Variants in USP31 observed in about 807,000 individuals in gnomAD.
USP31 encodes the protein ubiquitin specific peptidase 31.
Under a neutral mutation model 119.4 loss-of-function variants are expected in USP31, and 44 were observed. That is an observed-to-expected ratio of 0.37 (90% CI 0.29 to 0.47). The LOEUF is 0.47. USP31 is among the 20% of genes least tolerant of loss of function. The probability of loss-of-function intolerance (pLI) is 0.99; values close to 1 mark genes in which losing one functional copy is unlikely to be tolerated. For missense variants in USP31, 1,643 were observed against 1,730.2 expected, an observed-to-expected ratio of 0.95 and a Z score of 0.89; for synonymous variants, 749 against 705.6, an observed-to-expected ratio of 1.06 and a Z score of -0.97.
At chr16:23,147,930 CTAAAAATAAAA>C (rs1903571494) in intron 1 of USP31, among the ~76,000 whole-genome samples, 1 of 152,094 alleles carries the variant, frequency 6.6e-6, no homozygotes, top group Admixed American at 6.5e-5. Flanking sequence ...GACCCTGTCT[CTAAAAATAAAA>C]TAAAAATAAA....
At chr16:23,096,263 G>A (rs1168029695) in intron 6 of USP31, among the ~76,000 whole-genome samples, 1 of 152,158 alleles carries the variant, frequency 6.6e-6, no homozygotes, top group Non-Finnish European at 1.5e-5. Flanking sequence ...TTACATAATG[G>A]TATAGGGATC....
chr16:23,066,350 T>C lies in USP31; in HGVS notation c.*1696A>G, dbSNP rs537532327. On this transcript the variant is annotated 3_prime_UTR_variant, in exon 16 of 16. Transcript: ENST00000219689. ...GCAAGTTACCGGCTAATGCGCAAAT[T>C]AGCAGCAAAATAAAGTTAAGTAACG... The C allele has an allele frequency of 2.6e-5, 4 of 152,542 alleles. No individual in the cohort carries two copies. The highest frequency in any genetic ancestry group is 4.2e-4 in the South Asian group (2 of 4,816). 9.4% of individuals were successfully genotyped at this position (152,542 alleles called of 1,614,324 possible).
intron 14 of USP31, among the ~76,000 whole-genome samples, chr16:23,073,502 A>T (rs1900429141): frequency 6.6e-6 from 1 of 152,046 alleles, no homozygotes; most frequent in South Asian, 2.1e-4. Flanking sequence ...GCCAGGTCCA[A>T]CCCACTGTCC....
intron 6 of USP31, among the ~76,000 whole-genome samples, chr16:23,093,351 G>A (rs1050860435): frequency 1.3e-5 from 2 of 152,028 alleles, no homozygotes; most frequent in African/African-American, 4.8e-5. Context: ...AAAAGATAAT[G>A]CAATTTAAAA....
intron 14 of USP31, among the ~76,000 whole-genome samples, chr16:23,073,341 CATT>C (rs1900423058): frequency 6.6e-6 from 1 of 152,180 alleles, no homozygotes; most frequent in Non-Finnish European, 1.5e-5. Flanking sequence ...ATGAGGTAGG[CATT>C]ATTATTACAC....
At position 23,063,747 on chromosome 16, in the gene USP31, G is replaced by T. The variant is rs1037441587; in HGVS notation, c.*4299C>A. ...CATAATTGTTGCCTTTTTTTTTTAA[G>T]ACTTAACATTTCATGTCTATATGTT... On this transcript the variant is annotated 3_prime_UTR_variant, in exon 16 of 16. Coordinates refer to ENST00000219689, the MANE Select transcript of USP31 (RefSeq NM_020718.4). 6.7e-6 allele frequency: 1 copy of T among 149,916 alleles called. No homozygotes were observed. The highest frequency in any genetic ancestry group is 2.4e-5 in the African/African-American group (1 of 40,898). The allele number at this position is 149,916 out of a possible 1,614,324, so 9.3% of individuals were successfully genotyped here. A position where few individuals can be genotyped will look rare whatever the true frequency, so the allele number is the denominator to read the frequency against.
chr16:23,069,559 C>G lies in USP31; in HGVS notation c.2546G>C (p.Arg849Thr). Residue 849 changes from arginine (R) to threonine (T), a missense_variant, in exon 16 of 16, where the codon AGA becomes ACA. Arg to Thr is a moderately conservative substitution (Grantham distance 71). Around this residue, in one of 5 missense-constraint regions of USP31, gnomAD observed 699 missense variants for 650.9 expected, o/e 1.07. Coordinates refer to ENST00000219689, the MANE Select transcript of USP31 (RefSeq NM_020718.4). ...GGCCAAGGGGCTGGTGACAGAAGATCTGGATGACAAACTCTGACGCTGGAC... is the reference window on the plus strand; with the variant it reads ...GGCCAAGGGGCTGGTGACAGAAGATGTGGATGACAAACTCTGACGCTGGAC... ...RSVQRQSLSSRSSVTSPLAVN... is the reference protein window; with the variant it reads ...RSVQRQSLSSTSSVTSPLAVN... 6.2e-7 allele frequency: 1 copy of G among 1,613,948 alleles called. No individual in the cohort carries two copies. Among genetic ancestry groups the G allele is most frequent in the Middle Eastern group, 1.6e-4 (1 of 6,062 alleles).
chr16:23,149,245 G>T lies in USP31; in HGVS notation c.26C>A (p.Ser9Tyr). 1 of 1,116,558 alleles carries T rather than the reference G, an allele frequency of 9.0e-7. No individual in the cohort carries two copies. The allele number at this position is 1,116,558 out of a possible 1,614,324, so 69.2% of individuals were successfully genotyped here. Reference protein sequence around the residue: MSKVTAPGSGPPAAASGKE... With the variant: MSKVTAPGYGPPAAASGKE... ...CCCGCTCGCCGCCGCCGGCGGCCCG[G>T]ACCCAGGCGCCGTTACCTTGGACAT... Residue 9 changes from serine to tyrosine, a missense_variant, in exon 1 of 16, where the codon TCC becomes TAC. Ser to Tyr is a moderately radical substitution (Grantham distance 144). Around this residue, in one of 5 missense-constraint regions of USP31, gnomAD observed 302 missense variants for 262.6 expected, o/e 1.15. Coordinates refer to ENST00000219689, the MANE Select transcript of USP31 (RefSeq NM_020718.4).
At position 23,068,341 on chromosome 16, in the gene USP31, C is replaced by T; in HGVS notation, c.3764G>A (p.Gly1255Asp). The stretch of plus-strand genomic sequence containing the variant: ...ACAGACAGACTTAACAGAGCTCCCA[C>T]CAGCCTTTTTAGAGAGCAAGGCTGT... Reference protein sequence around the residue: ...GKTALLSKKAGGSSVKSVCKN... With the variant: ...GKTALLSKKADGSSVKSVCKN... Residue 1255 changes from glycine (G) to aspartate (D), a missense_variant, in exon 16 of 16, where the codon GGT (glycine) becomes GAT (aspartate). Physicochemically the swap from Gly to Asp is moderately conservative, Grantham distance 94 (BLOSUM62 -1). Transcript: ENST00000219689. 1.2e-6 allele frequency: 2 copies of T among 1,614,192 alleles called. No individual in the cohort carries two copies. Among genetic ancestry groups the T allele is most frequent in the Non-Finnish European group, 1.7e-6 (2 of 1,180,018 alleles).
Position 23,094,855 on chromosome 16 carries a change from C to G in USP31, c.1235-4051G>C, listed in dbSNP as rs192040477. Among the ~76,000 whole-genome samples, 537 of 152,296 alleles carry G rather than the reference C, an allele frequency of 3.5e-3. 1 individual carries two copies. The highest frequency in any genetic ancestry group is 6.1e-3 in the Non-Finnish European group (414 of 68,016). On this transcript the variant is annotated intron_variant, in intron 6 of 15. Coordinates refer to ENST00000219689, the MANE Select transcript of USP31 (RefSeq NM_020718.4). ...ACACCAAAACCCCATCTGTAGGTTA[C>G]CAACATCAAAGATCAAAGGTAGATA...
intron 1 of USP31, among the ~76,000 whole-genome samples, chr16:23,109,794 A>G (rs1902244451): frequency 6.6e-6 from 1 of 151,718 alleles, no homozygotes; most frequent in Non-Finnish European, 1.5e-5. Context: ...CCTCAGTCTA[A>G]TCATAAGGAA....
chr16:23,114,027 C>T (rs964631324), intron 1 of USP31, among the ~76,000 whole-genome samples: 1 of 151,926 alleles, frequency 6.6e-6, no homozygotes, highest in Non-Finnish European at 1.5e-5. Flanking sequence ...GTTGCTTGAA[C>T]CTGGGAGGTG....
chr16:23,086,721 T>C (rs879337144), intron 9 of USP31, among the ~76,000 whole-genome samples: 2 of 152,218 alleles, frequency 1.3e-5, no homozygotes, highest in African/African-American at 2.4e-5. Context: ...ACTTCTTACA[T>C]TGTGGAACAC....
intron 1 of USP31, among the ~76,000 whole-genome samples, chr16:23,129,874 G>T (rs918453563): frequency 6.6e-6 from 1 of 152,186 alleles, no homozygotes. Flanking sequence ...TCTGGACCCA[G>T]GAAGGAGAAA....
intron 1 of USP31, among the ~76,000 whole-genome samples, chr16:23,141,849 T>C (rs2141904176): frequency 6.6e-6 from 1 of 152,336 alleles, no homozygotes; most frequent in South Asian, 2.1e-4. Context: ...ATATGTGGCA[T>C]GGAGTTAGAA....
intron 1 of USP31, among the ~76,000 whole-genome samples, chr16:23,130,999 G>A (rs571049115): frequency 2.0e-5 from 3 of 152,158 alleles, no homozygotes; most frequent in Non-Finnish European, 4.4e-5. Context: ...TGGAGTATAC[G>A]CTATACCCGT....
intron 1 of USP31, among the ~76,000 whole-genome samples, chr16:23,145,396 C>T (rs78691879): frequency 0.049 from 7,392 of 152,226 alleles, 229 homozygotes; most frequent in Middle Eastern, 0.075. Context: ...AGATCCTACT[C>T]GACTCAGCTC....
intron 1 of USP31, among the ~76,000 whole-genome samples, chr16:23,141,129 T>C (rs1903339647): frequency 6.6e-6 from 1 of 152,176 alleles, no homozygotes; most frequent in Non-Finnish European, 1.5e-5. Flanking sequence ...TCTAAACCCC[T>C]TACCTTGGTC....
At chr16:23,088,934 G>C (rs934984911) in intron 7 of USP31, among the ~76,000 whole-genome samples, 4 of 152,206 alleles carry the variant, frequency 2.6e-5, no homozygotes, top group African/African-American at 9.7e-5. Flanking sequence ...AGATCACCAA[G>C]AAACCAGTTT....
Sources: allele counts gnomAD v4.1 joint callset (sites outside exome capture counted in the v4.1 genomes callset), GRCh38; gene constraint gnomAD v4.1.1; regional missense constraint gnomAD v4.1.1; transcripts MANE v1.5; gene names NCBI Gene and HGNC (gene_info 2026-07-23, HGNC 2026-07-21).